Variants in SPATS2L observed in about 807,000 individuals in gnomAD.
SPATS2L encodes the protein SPATS2-like protein.
A neutral mutation model predicts 59.6 loss-of-function variants in SPATS2L; 30 were observed. That is an observed-to-expected ratio of 0.50 (90% CI 0.38 to 0.68). SPATS2L has a LOEUF of 0.68. SPATS2L is among the 30% of genes least tolerant of loss of function. The probability of loss-of-function intolerance (pLI) is 0.00; values close to 1 mark genes in which losing one functional copy is unlikely to be tolerated. For synonymous variants in SPATS2L, 252 were observed against 263.5 expected (o/e 0.96, Z 0.42); for missense variants, 615 against 700.0 (o/e 0.88, Z 1.37).
At chr2:200,468,204 A>G (rs1349275478) in intron 10 of SPATS2L, among the ~76,000 whole-genome samples, 1 of 152,144 alleles carries the variant, frequency 6.6e-6, no homozygotes, top group African/African-American at 2.4e-5. Context: ...CGCCAGACCC[A>G]CCAAGACTGT....
intron 2 of SPATS2L, among the ~76,000 whole-genome samples, chr2:200,383,443 C>T (rs1004696639): frequency 6.6e-6 from 1 of 152,158 alleles, no homozygotes; most frequent in Non-Finnish European, 1.5e-5. Flanking sequence ...CTCTATTAAA[C>T]CCTTCCAGCA....
At chr2:200,443,164 G>A (rs767230605) in intron 8 of SPATS2L, among the ~76,000 whole-genome samples, 1 of 152,148 alleles carries the variant, frequency 6.6e-6, no homozygotes, top group Admixed American at 6.5e-5. Context: ...CCTTGCCTCT[G>A]TTCCAAATGA....
At chr2:200,433,600 A>C (rs1470829208) in intron 6 of SPATS2L, among the ~76,000 whole-genome samples, 1 of 152,096 alleles carries the variant, frequency 6.6e-6, no homozygotes, top group Non-Finnish European at 1.5e-5. Flanking sequence ...TTTGAACTGA[A>C]TCATAATGAA....
At chr2:200,354,155 A>T (rs1281815261) in intron 2 of SPATS2L, among the ~76,000 whole-genome samples, 1 of 152,186 alleles carries the variant, frequency 6.6e-6, no homozygotes, top group African/African-American at 2.4e-5. Flanking sequence ...AGAGGGAAAG[A>T]TGCATAGCCA....
At chr2:200,440,827 G>A (rs1360053966) in intron 8 of SPATS2L, 43 bp downstream of exon 8, 2 of 1,600,602 alleles carry the variant, frequency 1.2e-6, no homozygotes, top group East Asian at 2.2e-5. Flanking sequence ...TGATGCTTGA[G>A]CTGTTCCAAC....
intron 2 of SPATS2L, among the ~76,000 whole-genome samples, chr2:200,357,541 A>AT (rs1194148143): frequency 2.0e-5 from 3 of 152,138 alleles, no homozygotes; most frequent in African/African-American, 4.8e-5. Context: ...AACTTATCTG[A>AT]TTTTTTAAAA....
chr2:200,431,245 G>A (rs1420339555), intron 6 of SPATS2L, among the ~76,000 whole-genome samples: 1 of 152,112 alleles, frequency 6.6e-6, no homozygotes, highest in Non-Finnish European at 1.5e-5. Context: ...AACTTTTTAA[G>A]AAGTTTCTTT....
At chr2:200,429,093 A>C (rs1315357981) in intron 6 of SPATS2L, among the ~76,000 whole-genome samples, 1 of 151,804 alleles carries the variant, frequency 6.6e-6, no homozygotes, top group Non-Finnish European at 1.5e-5. Flanking sequence ...CCTGTGTCCC[A>C]CTCCACCCTC....
chr2:200,403,114 T>C (rs2082583711), intron 3 of SPATS2L, among the ~76,000 whole-genome samples: 1 of 152,230 alleles, frequency 6.6e-6, no homozygotes, highest in South Asian at 2.1e-4. Flanking sequence ...GCATTTGACC[T>C]AGTGATTAAT....
Position 200,306,713 on chromosome 2 carries a change from C to G in SPATS2L, c.-282C>G. 3.1e-6 allele frequency: 3 copies of G among 982,860 alleles called. No individual in the cohort carries two copies. Among genetic ancestry groups the G allele is most frequent in the Non-Finnish European group, 3.6e-6 (3 of 829,128 alleles). The allele number at this position is 982,860 out of a possible 1,614,324, so 60.9% of individuals were successfully genotyped here. ...GCCGGAGTTGTGTCAGTGAAGGAAT[C>G]CAGTCCGGGGGCCGAGCTGGCTGCG... On this transcript the variant is annotated 5_prime_UTR_variant, in exon 1 of 13. It adds an upstream start codon to the 5' untranslated region. Coordinates refer to ENST00000409140, the MANE Select transcript of SPATS2L (RefSeq NM_001100423.2).
chr2:200,319,218 T>G (rs2079478681), intron 1 of SPATS2L, among the ~76,000 whole-genome samples: 1 of 152,230 alleles, frequency 6.6e-6, no homozygotes, highest in Non-Finnish European at 1.5e-5. Flanking sequence ...CTGATAGTTC[T>G]CATCCTGTTA....
At chr2:200,416,594 G>A (rs1463125906) in intron 5 of SPATS2L, among the ~76,000 whole-genome samples, 166 bp downstream of exon 5, 1 of 152,080 alleles carries the variant, frequency 6.6e-6, no homozygotes, top group Non-Finnish European at 1.5e-5. Flanking sequence ...GATACTCTCA[G>A]ATACTCTCAC....
intron 2 of SPATS2L, among the ~76,000 whole-genome samples, chr2:200,371,917 G>A (rs536220050): frequency 3.9e-5 from 6 of 152,272 alleles, no homozygotes; most frequent in South Asian, 2.1e-4. Flanking sequence ...TGCTTTGAAC[G>A]GTAAGTCATA....
intron 2 of SPATS2L, among the ~76,000 whole-genome samples, chr2:200,358,750 G>C (rs1445968315): frequency 6.6e-6 from 1 of 152,128 alleles, no homozygotes; most frequent in Non-Finnish European, 1.5e-5. Flanking sequence ...CACTTTGGGA[G>C]GTCAAGGCAG....
chr2:200,384,620 G>T (rs1444692898), intron 2 of SPATS2L, among the ~76,000 whole-genome samples: 1 of 152,144 alleles, frequency 6.6e-6, no homozygotes, highest in Non-Finnish European at 1.5e-5. Flanking sequence ...CCAAAGTGCT[G>T]GGATTACAGA....
chr2:200,395,772 A>G (rs1487219237), intron 3 of SPATS2L, among the ~76,000 whole-genome samples: 2 of 151,842 alleles, frequency 1.3e-5, no homozygotes, highest in African/African-American at 2.4e-5. Context: ...GCACTTTGGG[A>G]GGCCAAGGCA....
Position 200,390,255 on chromosome 2 carries a change from A to G in SPATS2L, c.39+972A>G, listed in dbSNP as rs576016933. On this transcript the variant is annotated intron_variant, in intron 3 of 12. Coordinates refer to ENST00000409140, the MANE Select transcript of SPATS2L (RefSeq NM_001100423.2). ...TTTTCTTTCACTTAGCAACAGGGTA[A>G]TAGACCCAAACACCACTCTAGATGC... is the stretch of plus-strand genomic sequence containing the variant. 6 of 152,382 alleles carry G rather than the reference A, an allele frequency of 3.9e-5. No individual in the cohort carries two copies. In the South Asian group the frequency reaches 1.0e-3, roughly 26 times the overall value. The allele number at this position is 152,382 out of a possible 1,614,324, so 9.4% of individuals were successfully genotyped here. A position where few individuals can be genotyped will look rare whatever the true frequency, so the allele number is the denominator to read the frequency against.
chr2:200,375,922 C>T (rs1203404567), intron 2 of SPATS2L, among the ~76,000 whole-genome samples: 1 of 152,156 alleles, frequency 6.6e-6, no homozygotes, highest in Non-Finnish European at 1.5e-5. Context: ...TGACTGTGCC[C>T]AGCCTGACAG....
rs1375821198 is a variant in SPATS2L at position 200,306,850 on chromosome 2, C to G, written c.-145C>G. On this transcript the variant is annotated 5_prime_UTR_variant, in exon 1 of 13. Coordinates refer to ENST00000409140, the MANE Select transcript of SPATS2L (RefSeq NM_001100423.2). ...GCCGCAGGGGCCGCCACCGCCGCGG[C>G]GCCTCCCCTGGCGACCGCGCCCCCG... is the stretch of plus-strand genomic sequence containing the variant. 4 of 980,786 alleles carry G rather than the reference C, an allele frequency of 4.1e-6. No homozygotes were observed. The highest frequency in any genetic ancestry group is 3.5e-5 in the African/African-American group (2 of 56,778). 60.8% of individuals were successfully genotyped at this position (980,786 alleles called of 1,614,324 possible). A position where few individuals can be genotyped will look rare whatever the true frequency, so the allele number is the denominator to read the frequency against.
Sources: allele counts gnomAD v4.1 joint callset (sites outside exome capture counted in the v4.1 genomes callset), GRCh38; gene constraint gnomAD v4.1.1; transcripts MANE v1.5; gene names NCBI Gene and HGNC (gene_info 2026-07-23, HGNC 2026-07-21).